FUT8: variants seen among roughly 807,000 people sequenced by gnomAD.
The protein encoded by FUT8 is fucosyltransferase 8.
A neutral mutation model predicts 71.3 loss-of-function variants in FUT8; 29 were observed. The observed-to-expected ratio is 0.41, with a 90% CI of 0.30 to 0.55. The LOEUF (loss-of-function observed/expected upper bound fraction) is 0.55, where lower values mean the gene tolerates loss of function less well. Among genes scored for constraint, FUT8 ranks in the 20% least tolerant of loss-of-function variants. FUT8 has a pLI of 0.34. For synonymous variants in FUT8, 254 were observed against 239.3 expected, an observed-to-expected ratio of 1.06 and a Z score of -0.57; for missense variants, 544 against 702.1, an observed-to-expected ratio of 0.77 and a Z score of 2.55.
At chr14:65,414,888 A>G (rs974606864) in intron 1 of FUT8, among the ~76,000 whole-genome samples, 4 of 152,230 alleles carry the variant, frequency 2.6e-5, no homozygotes, top group Non-Finnish European at 4.4e-5. Context: ...AATAATTTCC[A>G]TAAAGTACGG....
chr14:65,433,016 T>C (rs1013267656), intron 1 of FUT8, among the ~76,000 whole-genome samples: 10 of 152,294 alleles, frequency 6.6e-5, no homozygotes, highest in African/African-American at 2.4e-4. Flanking sequence ...AAACCCTCTC[T>C]TGGGATCTGG....
chr14:65,738,532 C>G (rs144496682), intron 10 of FUT8, among the ~76,000 whole-genome samples: 175 of 152,142 alleles, frequency 1.2e-3, no homozygotes, highest in African/African-American at 3.8e-3. Flanking sequence ...CATGTCAACA[C>G]AGAATAAAGT....
At chr14:65,442,823 T>TAA (rs34820585) in intron 1 of FUT8, among the ~76,000 whole-genome samples, 112 of 136,588 alleles carry the variant, frequency 8.2e-4, no homozygotes, top group Middle Eastern at 7.5e-3. Flanking sequence ...CCCATCTCAT[T>TAA]AAAAAAAAAA....
intron 2 of FUT8, among the ~76,000 whole-genome samples, chr14:65,482,421 T>C (rs1004674153): frequency 6.6e-6 from 1 of 152,148 alleles, no homozygotes; most frequent in Admixed American, 6.5e-5. Flanking sequence ...CCCTCCAAAT[T>C]CCTCTTACAT....
intron 7 of FUT8, among the ~76,000 whole-genome samples, chr14:65,701,138 T>C (rs2140481182): frequency 6.6e-6 from 1 of 152,368 alleles, no homozygotes; most frequent in Admixed American, 6.5e-5. Flanking sequence ...TGTATTCATG[T>C]TGTGATTCAT....
chr14:65,555,002 A>G (rs1428052674), intron 2 of FUT8, among the ~76,000 whole-genome samples: 1 of 152,102 alleles, frequency 6.6e-6, no homozygotes, highest in Non-Finnish European at 1.5e-5. Flanking sequence ...TCTTGTTGGC[A>G]TAGCTTTTAT....
In FUT8 at chr14:65,512,242, C is replaced by T. The variant is rs148729230; in HGVS notation, c.-227-49095C>T. Among the ~76,000 whole-genome samples, 425 of 152,310 alleles carry T rather than the reference C, an allele frequency of 2.8e-3. No homozygotes were observed. The Middle Eastern group carries it at 0.031, about 11-fold the overall frequency. ...GCGGTGGCGCGATCTCGGCTTACTG[C>T]AACCTGCGCCTCCTGGTTCAAGCAA... On this transcript the variant is annotated intron_variant, in intron 2 of 10. Transcript: ENST00000673929.
In FUT8 at chr14:65,549,617, A is replaced by G. The variant is rs201256096; in HGVS notation, c.-227-11720A>G. 1.7e-4 allele frequency among the ~76,000 whole-genome samples: 26 copies of G among 152,322 alleles called. No individual in the cohort carries two copies. In the East Asian group the frequency reaches 4.0e-3, roughly 24 times the overall value. ...ATGGGGAAGTGCTTACAGATTTCCA[A>G]CTGGCCCCAAAACGGATATTGTAAA... On this transcript the variant is annotated intron_variant, in intron 2 of 10. Transcript: ENST00000673929.
intron 1 of FUT8, among the ~76,000 whole-genome samples, chr14:65,421,548 G>A (rs2139384955): frequency 6.6e-6 from 1 of 152,270 alleles, no homozygotes; most frequent in Middle Eastern, 3.4e-3. Context: ...TCATGAAGGA[G>A]TCAAAAGCAG....
At chr14:65,610,846 G>T (rs1046413940) in intron 3 of FUT8, among the ~76,000 whole-genome samples, 9 of 151,742 alleles carry the variant, frequency 5.9e-5, no homozygotes, top group African/African-American at 2.2e-4. Context: ...GCCAATCTTG[G>T]ATTTCTAGGA....
At chr14:65,598,266 G>A (rs989848727) in intron 3 of FUT8, among the ~76,000 whole-genome samples, 9 of 151,786 alleles carry the variant, frequency 5.9e-5, no homozygotes, top group Middle Eastern at 3.4e-3. Flanking sequence ...TCTGTTGCCC[G>A]GGCTGGAGTG....
Position 65,662,948 on chromosome 14 carries a change from T to C in FUT8, c.598-6295T>C, listed in dbSNP as rs932513955. Reference sequence around the variant, plus strand: ...ATTTCTAAAACTTGAATTATCATTATTGCAAGGAGCTAGAATATATCTGCC... The same window carrying C: ...ATTTCTAAAACTTGAATTATCATTACTGCAAGGAGCTAGAATATATCTGCC... On this transcript the variant is annotated intron_variant, in intron 6 of 10. Transcript: ENST00000673929. 1.9e-4 allele frequency among the ~76,000 whole-genome samples: 29 copies of C among 152,226 alleles called. 1 individual carries two copies. The highest frequency in any genetic ancestry group is 6.3e-3 in the Middle Eastern group (2 of 316).
chr14:65,682,346 A>AT (rs1282678416), intron 7 of FUT8, among the ~76,000 whole-genome samples: 4 of 152,044 alleles, frequency 2.6e-5, no homozygotes, highest in Non-Finnish European at 4.4e-5. Context: ...TTAAAAATAA[A>AT]ATTTTTTTTA....
At chr14:65,418,383 C>T (rs982426568) in intron 1 of FUT8, among the ~76,000 whole-genome samples, 1 of 152,072 alleles carries the variant, frequency 6.6e-6, no homozygotes, top group Non-Finnish European at 1.5e-5. Flanking sequence ...ATATCAAATT[C>T]TAATAATATC....
At chr14:65,633,229 C>T (rs902518956) in intron 6 of FUT8, among the ~76,000 whole-genome samples, 12 of 150,934 alleles carry the variant, frequency 8.0e-5, no homozygotes, top group East Asian at 2.0e-4. Context: ...CTGTGTTGGC[C>T]GGGCTGGTCT....
chr14:65,655,620 C>T (rs1009270751), intron 6 of FUT8, among the ~76,000 whole-genome samples: 1 of 151,984 alleles, frequency 6.6e-6, no homozygotes, highest in African/African-American at 2.4e-5. Flanking sequence ...TAAACATGTG[C>T]ACTTAACAGG....
intron 10 of FUT8, among the ~76,000 whole-genome samples, chr14:65,738,087 G>A (rs888924283): frequency 3.9e-5 from 6 of 152,238 alleles, no homozygotes; most frequent in African/African-American, 1.4e-4. Flanking sequence ...GACAAGAAAA[G>A]TATTTGCATC....
At chr14:65,502,452 A>G (rs973280081) in intron 2 of FUT8, among the ~76,000 whole-genome samples, 3 of 151,462 alleles carry the variant, frequency 2.0e-5, no homozygotes, top group African/African-American at 7.3e-5. Context: ...CTCGAACTCC[A>G]GACCTCAAGT....
intron 7 of FUT8, among the ~76,000 whole-genome samples, chr14:65,694,889 G>T (rs1032629118): frequency 2.7e-5 from 3 of 112,948 alleles, no homozygotes; most frequent in Non-Finnish European, 5.0e-5. Context: ...TCTGGGGACT[G>T]TTGTGGGGTG....
Sources: allele counts gnomAD v4.1 joint callset (sites outside exome capture counted in the v4.1 genomes callset), GRCh38; gene constraint gnomAD v4.1.1; transcripts MANE v1.5; gene names NCBI Gene and HGNC (gene_info 2026-07-23, HGNC 2026-07-21).